The following PATL1 variants were observed in gnomAD, a reference collection of about 807,000 sequenced individuals.
PATL1 encodes protein PAT1 homolog 1.
In PATL1, 32 loss-of-function variants were observed where a neutral mutation model predicts 100.6. That is an observed-to-expected ratio of 0.32 (90% CI 0.24 to 0.43). The LOEUF (loss-of-function observed/expected upper bound fraction) is 0.43. Among genes scored for constraint, PATL1 ranks in the 20% least tolerant of loss-of-function variants. The pLI is 1.00. For synonymous variants in PATL1, 332 were observed against 330.0 expected (o/e 1.01, Z -0.07); for missense variants, 747 against 949.9 (o/e 0.79, Z 2.81).
intron 5 of PATL1, 149 bp from the exon 6 acceptor site, chr11:59,656,749 G>A: frequency 1.5e-6 from 1 of 684,584 alleles, no homozygotes. Flanking sequence ...TTCAAATACA[G>A]AACCTTGGGC....
At chr11:59,662,283 T>G (rs373887949) in intron 2 of PATL1, among the ~76,000 whole-genome samples, 2 of 152,224 alleles carry the variant, frequency 1.3e-5, no homozygotes, top group Non-Finnish European at 2.9e-5. Flanking sequence ...TATCCTTACT[T>G]AAGCCTCCGG....
chr11:59,661,004 C>T (rs1053554272), intron 2 of PATL1, among the ~76,000 whole-genome samples: 5 of 152,296 alleles, frequency 3.3e-5, no homozygotes, highest in African/African-American at 9.6e-5. Context: ...TTACTTCCAA[C>T]GCATCTCACT....
At chr11:59,642,442 G>A (rs1163387742) in intron 16 of PATL1, among the ~76,000 whole-genome samples, 1 of 152,194 alleles carries the variant, frequency 6.6e-6, no homozygotes, top group Non-Finnish European at 1.5e-5. Flanking sequence ...TTAACAGTAA[G>A]TAGAAGTTTC....
At chr11:59,638,442 GT>G (rs771389730) in intron 18 of PATL1, 31 bp from the exon 19 acceptor site, 2 of 1,584,464 alleles carry the variant, frequency 1.3e-6, no homozygotes, top group Non-Finnish European at 1.7e-6. Context: ...AAGGAAAATT[GT>G]ATAAATGAGT....
At chr11:59,649,689 AC>A (rs933495409) in intron 13 of PATL1, 79 bp from the exon 14 acceptor site, 147 of 1,387,178 alleles carry the variant, frequency 1.1e-4, no homozygotes, top group Non-Finnish European at 1.4e-4. Flanking sequence ...ACAGTTTAGG[AC>A]TACTAGCTAA....
chr11:59,639,352 C>T lies in PATL1; in HGVS notation c.2081G>A (p.Ser694Asn). The T allele has an allele frequency of 6.4e-7, 1 of 1,550,416 alleles. No homozygotes were observed. Among genetic ancestry groups the T allele is most frequent in the Non-Finnish European group, 8.7e-7 (1 of 1,147,026 alleles). ...TGAACTCTGTAGGTCTTCACCACGGCTCAGGAGGATGAGGAGCAGTGACAG... is the reference window on the plus strand; with the variant it reads ...TGAACTCTGTAGGTCTTCACCACGGTTCAGGAGGATGAGGAGCAGTGACAG... The part of the protein sequence containing the change: ...FGLSLLLILL[S>N]RGEDLQSSDP... The change falls in exon 17 of 19, where the codon AGC becomes AAC. Residue 694 changes from serine (S) to asparagine (N), a missense_variant. Ser to Asn is a conservative substitution (Grantham distance 46, BLOSUM62 1). Coordinates refer to ENST00000300146, the MANE Select transcript of PATL1 (RefSeq NM_152716.3).
intron 15 of PATL1, among the ~76,000 whole-genome samples, chr11:59,645,545 A>C (rs920522440): frequency 1.3e-4 from 20 of 151,634 alleles, no homozygotes; most frequent in Non-Finnish European, 2.8e-4. Flanking sequence ...TGTATTATCA[A>C]CTCTCTGATT....
At position 59,659,371 on chromosome 11, in the gene PATL1, T is replaced by C. The variant is rs1234724511; in HGVS notation, c.226A>G (p.Met76Val). The C allele has an allele frequency of 6.4e-7, 1 of 1,551,254 alleles. No individual in the cohort carries two copies. Among genetic ancestry groups the C allele is most frequent in the African/African-American group, 1.4e-5 (1 of 73,022 alleles). ...EQTGNGERDE[M>V]DLLGDHEENL... ...TCCTCATGGTCACCCAACAAGTCCA[T>C]TTCATCTCTCTCTCCATTGCCTGTT... is the stretch of plus-strand genomic sequence containing the variant. Residue 76 changes from methionine to valine, a missense_variant, in exon 3 of 19, where the codon ATG becomes GTG. Physicochemically the swap from Met to Val is conservative, Grantham distance 21. This residue lies in a region of PATL1 where 183 missense variants were observed against 221.2 expected (regional missense o/e 0.83). Transcript: ENST00000300146.
At position 59,663,282 on chromosome 11, in the gene PATL1, C is replaced by T. The variant is rs116914679; in HGVS notation, c.127+3571G>A. The stretch of plus-strand genomic sequence containing the variant: ...TTCTATAAACTTATACTTGTAATAA[C>T]CCCTGAAGCCTGTCTCAGGGAGTTT... On this transcript the variant is annotated intron_variant, in intron 2 of 18. Coordinates refer to ENST00000300146, the MANE Select transcript of PATL1 (RefSeq NM_152716.3). 4.4e-3 allele frequency among the ~76,000 whole-genome samples: 666 copies of T among 152,232 alleles called. 4 individuals are homozygous for T. The highest frequency in any genetic ancestry group is 6.4e-3 in the Non-Finnish European group (436 of 67,986).
intron 16 of PATL1, among the ~76,000 whole-genome samples, chr11:59,640,278 T>C (rs764502153): frequency 1.3e-5 from 2 of 149,302 alleles, no homozygotes; most frequent in Non-Finnish European, 3.0e-5. Flanking sequence ...GAGCTGGAGG[T>C]TGCAGTGAGC....
At chr11:59,656,174 G>A in intron 6 of PATL1, 129 bp from the exon 7 acceptor site, 2 of 587,362 alleles carry the variant, frequency 3.4e-6, no homozygotes, top group Non-Finnish European at 5.7e-6. Context: ...GTCAAGCTCT[G>A]GAATAGAAAA....
In PATL1 at chr11:59,637,917, GTGTGTGTGTGTATCTA is replaced by G. The variant is rs1298049958; in HGVS notation, c.*457_*472del. On this transcript the variant is annotated 3_prime_UTR_variant, in exon 19 of 19. Coordinates refer to ENST00000300146, the MANE Select transcript of PATL1 (RefSeq NM_152716.3). ...GACCACATAAATACATGTATGGGGT[GTGTGTGTGTGTATCTA>G]TGTGTGTGTGTATATCTTGATTTCT... The G allele has an allele frequency of 6.1e-6, 1 of 163,320 alleles. No individual in the cohort carries two copies. Among genetic ancestry groups the G allele is most frequent in the Non-Finnish European group, 1.3e-5 (1 of 74,276 alleles). 10.1% of individuals were successfully genotyped at this position (163,320 alleles called of 1,614,324 possible).
In PATL1 at chr11:59,637,206, T is replaced by C. The variant is rs17593836; in HGVS notation, c.*1184A>G. 5,695 of 152,382 alleles carry C rather than the reference T, an allele frequency of 0.037. 147 individuals carry two copies. Among genetic ancestry groups the C allele is most frequent in the Non-Finnish European group, 0.043 (2,909 of 68,000 alleles). 9.4% of individuals were successfully genotyped at this position (152,382 alleles called of 1,614,324 possible). A position where few individuals can be genotyped will look rare whatever the true frequency, so the allele number is the denominator to read the frequency against. On this transcript the variant is annotated 3_prime_UTR_variant, in exon 19 of 19. Coordinates refer to ENST00000300146, the MANE Select transcript of PATL1 (RefSeq NM_152716.3). Reference sequence around the variant, plus strand: ...GTAATCACTAGGGATCAAAACTCCTTAGTCTGGTTGATTGCTGAATGGGAG... The same window carrying C: ...GTAATCACTAGGGATCAAAACTCCTCAGTCTGGTTGATTGCTGAATGGGAG...
In PATL1 at chr11:59,638,365, G is replaced by A; in HGVS notation, c.*25C>T. 1 of 1,609,502 alleles carries A rather than the reference G, an allele frequency of 6.2e-7. No homozygotes were observed. The highest frequency in any genetic ancestry group is 8.5e-7 in the Non-Finnish European group (1 of 1,176,482). ...GCAGTGCAGGTGGCAGCCAAAAGGA[G>A]GTACAGGACACATTTGGAGATCTTT... On this transcript the variant is annotated 3_prime_UTR_variant, in exon 19 of 19. Transcript: ENST00000300146.
At chr11:59,644,977 T>C (rs1861340591) in intron 15 of PATL1, among the ~76,000 whole-genome samples, 2 of 144,940 alleles carry the variant, frequency 1.4e-5, no homozygotes, top group East Asian at 4.1e-4. Context: ...CATTAATGGG[T>C]TCAGGTGTTG....
intron 14 of PATL1, among the ~76,000 whole-genome samples, chr11:59,648,151 C>G (rs562151656): frequency 6.6e-6 from 1 of 151,516 alleles, no homozygotes; most frequent in South Asian, 2.1e-4. Context: ...AAAAACTTGG[C>G]CAACTGTATG....
intron 15 of PATL1, among the ~76,000 whole-genome samples, chr11:59,647,070 A>G (rs1424000862): frequency 6.6e-6 from 1 of 152,038 alleles, no homozygotes; most frequent in Non-Finnish European, 1.5e-5. Flanking sequence ...AGGTAAAAAA[A>G]AAATTAGCCG....
intron 2 of PATL1, among the ~76,000 whole-genome samples, chr11:59,661,909 C>A (rs1347109665): frequency 6.6e-6 from 1 of 152,040 alleles, no homozygotes; most frequent in Non-Finnish European, 1.5e-5. Flanking sequence ...TAATTTATCC[C>A]CTACTGGTAA....
At chr11:59,645,843 T>TA (rs1447551754) in intron 15 of PATL1, among the ~76,000 whole-genome samples, 1 of 152,190 alleles carries the variant, frequency 6.6e-6, no homozygotes, top group Admixed American at 6.5e-5. Context: ...TGGCACTAGA[T>TA]ATTCCAGGAT....
Sources: allele counts gnomAD v4.1 joint callset (sites outside exome capture counted in the v4.1 genomes callset), GRCh38; gene constraint gnomAD v4.1.1; regional missense constraint gnomAD v4.1.1; transcripts MANE v1.5; gene names NCBI Gene and HGNC (gene_info 2026-07-23, HGNC 2026-07-21).